Variants in GSDME observed in about 807,000 individuals in gnomAD.
GSDME encodes the protein gasdermin-E.
A neutral mutation model predicts 47.5 loss-of-function variants in GSDME; 44 were observed. The observed-to-expected ratio is 0.93, with a 90% CI of 0.73 to 1.19. The LOEUF (loss-of-function observed/expected upper bound fraction) is 1.19. Among genes scored for constraint, GSDME ranks in the 50% most tolerant of loss-of-function variants. GSDME has a pLI of 0.00. For missense variants in GSDME, 663 were observed against 604.2 expected, an observed-to-expected ratio of 1.10 and a Z score of -1.02; for synonymous variants, 258 against 252.8, an observed-to-expected ratio of 1.02 and a Z score of -0.20.
At chr7:24,766,516 A>AT in the GSDME span, among the ~76,000 whole-genome samples, 2 of 151,844 alleles carry the variant, frequency 1.3e-5, no homozygotes, top group Non-Finnish European at 2.9e-5. This position sits in a 1 kb window ranked among gnomAD's most constrained non-coding sequence, Gnocchi z 4.2. Flanking sequence ...ATGTGTTCTC[A>AT]TTGTTCAACT....
rs1253033485 is a variant in GSDME at position 24,726,207 on chromosome 7, T to C, written c.405-6989A>G. Among the ~76,000 whole-genome samples, 2 of 152,190 alleles carry C rather than the reference T, an allele frequency of 1.3e-5. No individual in the cohort carries two copies. Among genetic ancestry groups the C allele is most frequent in the African/African-American group, 2.4e-5 (1 of 41,450 alleles). ...GCCTGAAGCTTTAATTTCCATTTTC[T>C]CTGCTTCTAAGACTTTCAAGAGCCA... On this transcript the variant is annotated intron_variant, in intron 3 of 9. Transcript: ENST00000645220. This position sits in a 1 kb window ranked among gnomAD's most constrained non-coding sequence, Gnocchi z 5.6.
the GSDME span, among the ~76,000 whole-genome samples, chr7:24,773,329 T>C: frequency 1.4e-4 from 21 of 152,362 alleles, no homozygotes; most frequent in East Asian, 3.7e-3. This position sits in a 1 kb window ranked among gnomAD's most constrained non-coding sequence, Gnocchi z 5.4. Context: ...ATATCATCAT[T>C]TGAAACACAT....
At chr7:24,704,240 T>C (rs959912524) in intron 8 of GSDME, 1 of 152,240 alleles carries the variant, frequency 6.6e-6, no homozygotes, top group Non-Finnish European at 1.5e-5. Context: ...CTCTTCCATG[T>C]ACCAATTCTA....
At chr7:24,707,501 C>G (rs1382390885) in intron 7 of GSDME, 1 of 459,318 alleles carries the variant, frequency 2.2e-6, no homozygotes, top group Admixed American at 2.4e-5. Flanking sequence ...TAGATTCCAC[C>G]ACACGACCCC....
the GSDME span, among the ~76,000 whole-genome samples, chr7:24,794,819 G>C: frequency 2.6e-5 from 4 of 152,142 alleles, no homozygotes; most frequent in Non-Finnish European, 4.4e-5. Context: ...GGCAAAAAGG[G>C]GCAAAAAGTC....
intron 1 of GSDME, among the ~76,000 whole-genome samples, chr7:24,755,365 A>G (rs1398066586): frequency 1.3e-5 from 2 of 152,164 alleles, no homozygotes; most frequent in African/African-American, 4.8e-5. Context: ...AATCACAGCT[A>G]TAGCCTCTCT....
At chr7:24,781,168 A>G in the GSDME span, among the ~76,000 whole-genome samples, 398 of 152,326 alleles carry the variant, frequency 2.6e-3, 2 homozygotes, top group African/African-American at 9.3e-3. Context: ...CCTCCTGCCC[A>G]AGTCAGTGTG....
the GSDME span, among the ~76,000 whole-genome samples, chr7:24,789,575 C>G: frequency 6.6e-6 from 1 of 152,202 alleles, no homozygotes; most frequent in Non-Finnish European, 1.5e-5. Flanking sequence ...TGTCTGGAAT[C>G]TATAGATAAC....
chr7:24,732,291 CTT>C lies in GSDME; in HGVS notation c.404+12269_404+12270del, dbSNP rs1200866582. Among the ~76,000 whole-genome samples, 1 of 152,192 alleles carries C rather than the reference CTT, an allele frequency of 6.6e-6. No individual in the cohort carries two copies. The highest frequency in any genetic ancestry group is 1.5e-5 in the Non-Finnish European group (1 of 68,040). ...AGGTAGGAAGGAAGCCCAGTTCAAA[CTT>C]TGTTTTTTCCAAGAAAGACATGGCT... On this transcript the variant is annotated intron_variant, in intron 3 of 9. Transcript: ENST00000645220. The surrounding 1 kb of genome is among the most constrained non-coding windows in gnomAD (Gnocchi z 4.8).
intron 1 of GSDME, among the ~76,000 whole-genome samples, chr7:24,750,552 G>T (rs923686150): frequency 1.3e-5 from 2 of 152,206 alleles, no homozygotes; most frequent in Non-Finnish European, 2.9e-5. Context: ...GTTCAAAACT[G>T]CAGTGAGCCA....
chr7:24,731,530 C>T (rs971117502), intron 3 of GSDME, among the ~76,000 whole-genome samples: 1 of 152,244 alleles, frequency 6.6e-6, no homozygotes, highest in Non-Finnish European at 1.5e-5. Flanking sequence ...CTCCTTCCTG[C>T]AGCTCTGTGG....
At chr7:24,755,292 G>A (rs547455176) in intron 1 of GSDME, among the ~76,000 whole-genome samples, 1 of 152,288 alleles carries the variant, frequency 6.6e-6, no homozygotes, top group East Asian at 1.9e-4. Context: ...GCACAAAAAT[G>A]ATCAAATACC....
chr7:24,710,319 T>A lies in GSDME; in HGVS notation c.767A>T (p.Asp256Val). 6.2e-7 allele frequency: 1 copy of A among 1,614,050 alleles called. No individual in the cohort carries two copies. The highest frequency in any genetic ancestry group is 2.2e-5 in the East Asian group (1 of 44,888). Residue 256 changes from aspartate (D) to valine (V), a missense_variant, in exon 6 of 10, where the codon GAC becomes GTC. Asp to Val is a radical substitution (Grantham distance 152, BLOSUM62 -3). Coordinates refer to ENST00000645220, the MANE Select transcript of GSDME (RefSeq NM_001127453.2). ...NKKRIDSVYL[D>V]PLVFREFAFI... is the part of the protein sequence containing the mutation. Reference sequence around the variant, plus strand: ...TGCAAACTCTCGAAAGACCAGGGGGTCCAGGTAGACAGAGTCAATTCTCTT... The same window carrying A: ...TGCAAACTCTCGAAAGACCAGGGGGACCAGGTAGACAGAGTCAATTCTCTT...
rs77523075 is a variant in GSDME, at chr7:24,721,653, C to T, written c.405-2435G>A. 4.0e-4 allele frequency among the ~76,000 whole-genome samples: 61 copies of T among 152,346 alleles called. No homozygotes were observed. The East Asian group carries it at 8.9e-3, about 22-fold the overall frequency. On this transcript the variant is annotated intron_variant, in intron 3 of 9. Coordinates refer to ENST00000645220, the MANE Select transcript of GSDME (RefSeq NM_001127453.2). This position sits in a 1 kb window ranked among gnomAD's most constrained non-coding sequence, Gnocchi z 4.1. ...CACTAGCTGGCTCCGCCCACCTTCC[C>T]GTGTCCCTCTATGAGGCTCACAAAA... is the stretch of plus-strand genomic sequence containing the variant.
the GSDME span, among the ~76,000 whole-genome samples, chr7:24,768,336 G>C: frequency 6.6e-6 from 1 of 152,190 alleles, no homozygotes; most frequent in Non-Finnish European, 1.5e-5. The surrounding 1 kb of genome is among the most constrained non-coding windows in gnomAD (Gnocchi z 5.6). Flanking sequence ...AGAGGGAATA[G>C]CATTAAGGGG....
chr7:24,751,327 A>C (rs1344719677), intron 1 of GSDME, among the ~76,000 whole-genome samples: 1 of 152,228 alleles, frequency 6.6e-6, no homozygotes, highest in Non-Finnish European at 1.5e-5. Flanking sequence ...CATGGTCAAA[A>C]TGAAAAGCTC....
At chr7:24,776,132 AC>A in the GSDME span, among the ~76,000 whole-genome samples, 22 of 139,254 alleles carry the variant, frequency 1.6e-4, no homozygotes, top group Admixed American at 1.1e-3. Context: ...GTGACCTGAG[AC>A]CGGGCCATTG....
rs1562708009 is a variant in GSDME, at chr7:24,736,301, CAT to C, written c.404+8259_404+8260del. ...GAAACACCCTTCACCTATAAAGACACATATAGACTGAAAATAAAGGGATGGAA... is the reference window on the plus strand; with the variant it reads ...GAAACACCCTTCACCTATAAAGACACATAGACTGAAAATAAAGGGATGGAA... On this transcript the variant is annotated intron_variant, in intron 3 of 9. Coordinates refer to ENST00000645220, the MANE Select transcript of GSDME (RefSeq NM_001127453.2). The surrounding 1 kb of genome is among the most constrained non-coding windows in gnomAD (Gnocchi z 4.6). Among the ~76,000 whole-genome samples, 1 of 152,004 alleles carries C rather than the reference CAT, an allele frequency of 6.6e-6. No individual in the cohort carries two copies. The highest frequency in any genetic ancestry group is 2.4e-5 in the African/African-American group (1 of 41,392).
At chr7:24,767,700 T>C in the GSDME span, among the ~76,000 whole-genome samples, 3 of 152,148 alleles carry the variant, frequency 2.0e-5, no homozygotes, top group Admixed American at 6.5e-5. This position sits in a 1 kb window ranked among gnomAD's most constrained non-coding sequence, Gnocchi z 5.3. Context: ...CTAAGAAATC[T>C]GGGATAAAGT....
Sources: allele counts gnomAD v4.1 joint callset (sites outside exome capture counted in the v4.1 genomes callset), GRCh38; gene constraint gnomAD v4.1.1; non-coding constraint Gnocchi (gnomAD v3.1); transcripts MANE v1.5; gene names NCBI Gene and HGNC (gene_info 2026-07-23, HGNC 2026-07-21).